Variants in ADAM18 observed in about 807,000 individuals in gnomAD.
The protein encoded by ADAM18 is disintegrin and metalloproteinase domain-containing protein 18.
Under a neutral mutation model 94.4 loss-of-function variants are expected in ADAM18, and 117 were observed. That is an observed-to-expected ratio of 1.24 (90% CI 1.07 to 1.45). The LOEUF is 1.45. Among genes scored for constraint, ADAM18 ranks in the 40% most tolerant of loss-of-function variants. ADAM18 has a pLI of 0.00. For synonymous variants in ADAM18, 327 were observed against 291.6 expected (o/e 1.12, Z -1.24); for missense variants, 936 against 880.0 (o/e 1.06, Z -0.81).
intron 18 of ADAM18, among the ~76,000 whole-genome samples, chr8:39,712,912 G>C (rs36132674): frequency 0.51 from 76,803 of 151,912 alleles, 21,572 homozygotes; most frequent in Non-Finnish European, 0.64. Flanking sequence ...CTACCAATGA[G>C]TTTCTTCACA....
At chr8:39,620,847 A>G (rs112605627) in intron 6 of ADAM18, among the ~76,000 whole-genome samples, 1,685 of 151,882 alleles carry the variant, frequency 0.011, 44 homozygotes, top group African/African-American at 0.039. Flanking sequence ...GGAATGATAG[A>G]CAATAGAGAT....
At chr8:39,636,744 A>G (rs1014974469) in intron 7 of ADAM18, among the ~76,000 whole-genome samples, 1 of 151,680 alleles carries the variant, frequency 6.6e-6, no homozygotes, top group African/African-American at 2.4e-5. Flanking sequence ...ATTCTACATA[A>G]CCCAAACTTT....
At chr8:39,629,297 G>C in intron 6 of ADAM18, 77 bp from the exon 7 acceptor site, 2 of 1,139,196 alleles carry the variant, frequency 1.8e-6, no homozygotes, top group Non-Finnish European at 2.5e-6. Flanking sequence ...ATTTTTCGCT[G>C]TCTTTACATG....
chr8:39,587,009 T>C (rs940425965), intron 2 of ADAM18, among the ~76,000 whole-genome samples: 2 of 152,178 alleles, frequency 1.3e-5, no homozygotes, highest in Non-Finnish European at 2.9e-5. Flanking sequence ...TTATATGGAA[T>C]TCTTGAAGCT....
intron 2 of ADAM18, among the ~76,000 whole-genome samples, chr8:39,599,692 AAT>A (rs1461483820): frequency 1.3e-5 from 2 of 152,082 alleles, no homozygotes; most frequent in African/African-American, 4.8e-5. Context: ...TGCTTGTGTA[AAT>A]TCCATTTTTA....
intron 16 of ADAM18, among the ~76,000 whole-genome samples, chr8:39,688,411 T>G (rs901650967): frequency 1.3e-5 from 2 of 152,124 alleles, no homozygotes; most frequent in Non-Finnish European, 2.9e-5. Context: ...AAGACCCCAC[T>G]GTGTGTTGTT....
rs1210094181 is a variant in ADAM18 at position 39,609,572 on chromosome 8, C to G, written c.344+11C>G. On this transcript the variant is annotated intron_variant, in intron 5 of 19. Transcript: ENST00000265707. ...ATGTTCTGGTCTCAGGTAATAGCAC[C>G]TTATAAGAAATCTATAGATGGAGAA... 5.7e-6 allele frequency: 9 copies of G among 1,581,290 alleles called. No homozygotes were observed. The highest frequency in any genetic ancestry group is 6.1e-6 in the Non-Finnish European group (7 of 1,155,730).
intron 13 of ADAM18, 90 bp downstream of exon 13, chr8:39,663,980 A>G (rs2129580104): frequency 4.8e-6 from 4 of 829,804 alleles, no homozygotes; most frequent in Non-Finnish European, 7.6e-6. Flanking sequence ...TAAAAAGAAT[A>G]TATAAGGAAT....
At chr8:39,612,041 T>A (rs539299630) in intron 6 of ADAM18, among the ~76,000 whole-genome samples, 2 of 151,752 alleles carry the variant, frequency 1.3e-5, no homozygotes, top group Non-Finnish European at 2.9e-5. Context: ...AATAAGAATA[T>A]GGTAATACCA....
At chr8:39,657,891 T>C (rs905400626) in intron 12 of ADAM18, among the ~76,000 whole-genome samples, 3 of 152,106 alleles carry the variant, frequency 2.0e-5, no homozygotes, top group Admixed American at 2.0e-4. Context: ...ATTAAAAATA[T>C]AATGATGTCA....
intron 7 of ADAM18, among the ~76,000 whole-genome samples, chr8:39,635,594 T>G (rs1820054648): frequency 6.6e-6 from 1 of 152,170 alleles, no homozygotes; most frequent in African/African-American, 2.4e-5. Flanking sequence ...TATTATAAAA[T>G]TTTTGACATT....
At chr8:39,663,656 C>G (rs1585955325) in intron 12 of ADAM18, 139 bp from the exon 13 acceptor site, 2 of 189,782 alleles carry the variant, frequency 1.1e-5, no homozygotes, top group Non-Finnish European at 2.0e-5. Flanking sequence ...TAAACTAATA[C>G]AGCTTCATTG....
chr8:39,717,503 G>T (rs1474123004), intron 18 of ADAM18, among the ~76,000 whole-genome samples: 1 of 151,528 alleles, frequency 6.6e-6, no homozygotes, highest in Admixed American at 6.6e-5. Context: ...GAATTTTTTG[G>T]TAAGGTAAAT....
At chr8:39,669,535 A>G (rs1052961368) in intron 14 of ADAM18, among the ~76,000 whole-genome samples, 15 of 134,386 alleles carry the variant, frequency 1.1e-4, no homozygotes, top group South Asian at 2.4e-4. Context: ...TCATTGTTCA[A>G]TTTCCACCTA....
chr8:39,653,681 G>A (rs368003774), intron 12 of ADAM18, among the ~76,000 whole-genome samples: 14 of 152,214 alleles, frequency 9.2e-5, no homozygotes, highest in African/African-American at 3.4e-4. Context: ...ATCTGATGAG[G>A]ATATTTCAAG....
At chr8:39,719,278 T>A (rs945336392) in intron 18 of ADAM18, among the ~76,000 whole-genome samples, 2 of 151,438 alleles carry the variant, frequency 1.3e-5, no homozygotes, top group Admixed American at 1.3e-4. Context: ...TAATTATATA[T>A]TTATATGTAA....
intron 6 of ADAM18, among the ~76,000 whole-genome samples, chr8:39,623,451 A>G (rs1819672097): frequency 6.6e-6 from 1 of 151,774 alleles, no homozygotes; most frequent in South Asian, 2.1e-4. Flanking sequence ...TCCCACCGGC[A>G]GTATGTACAT....
chr8:39,595,384 G>C (rs1331905722), intron 2 of ADAM18, among the ~76,000 whole-genome samples: 1 of 152,202 alleles, frequency 6.6e-6, no homozygotes, highest in African/African-American at 2.4e-5. Context: ...CCTGTTGGTA[G>C]TTCCAGGTTG....
intron 18 of ADAM18, among the ~76,000 whole-genome samples, chr8:39,716,602 T>C (rs537567329): frequency 6.6e-6 from 1 of 151,972 alleles, no homozygotes; most frequent in Non-Finnish European, 1.5e-5. Flanking sequence ...TAACTTTTAT[T>C]TTTATGATAT....
Sources: allele counts gnomAD v4.1 joint callset (sites outside exome capture counted in the v4.1 genomes callset), GRCh38; gene constraint gnomAD v4.1.1; transcripts MANE v1.5; gene names NCBI Gene and HGNC (gene_info 2026-07-23, HGNC 2026-07-21).